The following IL17B variants were observed in gnomAD, a reference collection of about 807,000 sequenced individuals.
IL17B encodes the protein interleukin 17B, also known as interleukin-17B.
In IL17B, 14 loss-of-function variants were observed where a neutral mutation model predicts 14.7. That is an observed-to-expected ratio of 0.95 (90% CI 0.63 to 1.49). The LOEUF (loss-of-function observed/expected upper bound fraction) is 1.49, where lower values mean the gene tolerates loss of function less well. Among genes scored for constraint, IL17B ranks in the 40% most tolerant of loss-of-function variants. The probability of loss-of-function intolerance (pLI) is 0.00; values close to 1 mark genes in which losing one functional copy is unlikely to be tolerated. For missense variants in IL17B, 233 were observed against 252.8 expected (o/e 0.92, Z 0.53); for synonymous variants, 105 against 94.8 (o/e 1.11, Z -0.62).
intron 1 of IL17B, among the ~76,000 whole-genome samples, chr5:149,378,256 G>A (rs1758598624): frequency 6.6e-6 from 1 of 152,182 alleles, no homozygotes; most frequent in African/African-American, 2.4e-5. Flanking sequence ...GGCTAAGGAT[G>A]TCCTGTCCGC....
chr5:149,390,226 C>CCCCCG (rs149991010), intron 1 of IL17B, among the ~76,000 whole-genome samples: 1 of 148,596 alleles, frequency 6.7e-6, no homozygotes, highest in Non-Finnish European at 1.5e-5. Flanking sequence ...GACCCCCCCC[C>CCCCCG]TCCCTGTCCC....
chr5:149,397,449 G>A (rs1219210755), intron 1 of IL17B, among the ~76,000 whole-genome samples: 2 of 152,162 alleles, frequency 1.3e-5, no homozygotes, highest in Admixed American at 6.5e-5. Context: ...GATTATAGGC[G>A]TGAACCACCG....
chr5:149,399,081 T>C (rs1365488246), intron 1 of IL17B, among the ~76,000 whole-genome samples: 1 of 152,336 alleles, frequency 6.6e-6, no homozygotes, highest in African/African-American at 2.4e-5. Flanking sequence ...GAGAACAGCA[T>C]GGGAAAGACC....
intron 1 of IL17B, among the ~76,000 whole-genome samples, chr5:149,390,623 A>AC (rs1758925976): frequency 6.8e-6 from 1 of 147,576 alleles, no homozygotes; most frequent in African/African-American, 2.5e-5. Context: ...ACACACACAC[A>AC]CACACACAGA....
At chr5:149,382,129 C>A (rs1581388095), upstream of IL17B, among the ~76,000 whole-genome samples, 1 of 152,182 alleles carries the variant, frequency 6.6e-6, no homozygotes, top group South Asian at 2.1e-4. Flanking sequence ...CACTCTGCCA[C>A]CTCTTTCTCC....
chr5:149,381,983 G>T (rs1758709980), upstream of IL17B, among the ~76,000 whole-genome samples: 1 of 152,250 alleles, frequency 6.6e-6, no homozygotes, highest in East Asian at 1.9e-4. Flanking sequence ...ACAGGGGAAG[G>T]GGCAGTGGGT....
At chr5:149,376,073 T>A (rs1482505477) in intron 2 of IL17B, among the ~76,000 whole-genome samples, 1 of 152,154 alleles carries the variant, frequency 6.6e-6, no homozygotes, top group East Asian at 1.9e-4. Flanking sequence ...CCTGGGTTTG[T>A]GAGTGAGGAC....
chr5:149,400,722 G>A (rs999825718), intron 1 of IL17B, among the ~76,000 whole-genome samples: 1 of 152,216 alleles, frequency 6.6e-6, no homozygotes, highest in African/African-American at 2.4e-5. Flanking sequence ...CAAGTCCCAC[G>A]TTTTGCCACC....
At chr5:149,392,795 T>C (rs1416005391) in intron 1 of IL17B, among the ~76,000 whole-genome samples, 2 of 152,134 alleles carry the variant, frequency 1.3e-5, no homozygotes, top group African/African-American at 4.8e-5. Context: ...TCTCTCTCTT[T>C]CTCTCCCTCT....
chr5:149,402,694 A>C (rs1173256755), intron 1 of IL17B, among the ~76,000 whole-genome samples: 1 of 151,386 alleles, frequency 6.6e-6, no homozygotes, highest in Non-Finnish European at 1.5e-5. Flanking sequence ...GCTTTTAAAA[A>C]AAAAAAAAAA....
chr5:149,376,294 G>T (rs1376844085), intron 2 of IL17B, among the ~76,000 whole-genome samples: 1 of 152,186 alleles, frequency 6.6e-6, no homozygotes, highest in Non-Finnish European at 1.5e-5. Flanking sequence ...GGTTTGGATT[G>T]GGCATGGGAA....
intron 1 of IL17B, among the ~76,000 whole-genome samples, chr5:149,378,592 T>C (rs1322432521): frequency 2.0e-5 from 3 of 152,224 alleles, no homozygotes; most frequent in African/African-American, 7.2e-5. Flanking sequence ...GCCTGCTTTA[T>C]CCAGGCTACC....
chr5:149,395,534 A>G (rs1759075331), intron 1 of IL17B, among the ~76,000 whole-genome samples: 1 of 152,202 alleles, frequency 6.6e-6, no homozygotes, highest in African/African-American at 2.4e-5. Context: ...CTGTGCACAT[A>G]ATTACTTTTG....
At chr5:149,398,415 C>T (rs552727803) in intron 1 of IL17B, among the ~76,000 whole-genome samples, 81 of 152,308 alleles carry the variant, frequency 5.3e-4, no homozygotes, top group Non-Finnish European at 9.8e-4. Context: ...TCCTAGCCAC[C>T]ATGGTGCTGA....
chr5:149,376,758 T>C lies in IL17B; in HGVS notation c.289A>G (p.Ser97Gly). 1.2e-6 allele frequency: 2 copies of C among 1,611,368 alleles called. No homozygotes were observed. Among genetic ancestry groups the C allele is most frequent in the Non-Finnish European group, 1.7e-6 (2 of 1,178,556 alleles). The change falls in exon 2 of 3, where the codon AGC (serine) becomes GGC (glycine). Residue 97 changes from serine to glycine, a missense_variant. Ser to Gly is a moderately conservative substitution (Grantham distance 56). Coordinates refer to ENST00000261796, the MANE Select transcript of IL17B (RefSeq NM_014443.3). Reference protein sequence around the residue: ...NLQLWMSNKRSLSPWGYSINH... With the variant: ...NLQLWMSNKRGLSPWGYSINH... Reference sequence around the variant, plus strand: ...TACCTGTAGCCCCAGGGAGACAGGCTCCTCTTGTTGGACATCCACAGCTGC... The same window carrying C: ...TACCTGTAGCCCCAGGGAGACAGGCCCCTCTTGTTGGACATCCACAGCTGC...
chr5:149,402,689 T>A (rs10055197), intron 1 of IL17B, among the ~76,000 whole-genome samples: 44,884 of 139,092 alleles, frequency 0.32, 7,529 homozygotes, highest in Middle Eastern at 0.39. Flanking sequence ...ACCATGCTTT[T>A]AAAAAAAAAA....
chr5:149,392,977 C>CGTGTGTGTGTGCGTGTGT (rs1240876068), intron 1 of IL17B, among the ~76,000 whole-genome samples: 1 of 141,120 alleles, frequency 7.1e-6, no homozygotes, highest in Non-Finnish European at 1.6e-5. Context: ...TGCGCGCGTG[C>CGTGTGTGTGTGCGTGTGT]GTGTGTGTGT....
At chr5:149,404,068 A>G (rs538733173) in intron 1 of IL17B, 2 of 152,268 alleles carry the variant, frequency 1.3e-5, no homozygotes, top group Admixed American at 1.3e-4. Context: ...TCCTAACAGG[A>G]ACCTCCCTTC....
chr5:149,402,682 A>G (rs1759228970), intron 1 of IL17B, among the ~76,000 whole-genome samples: 2 of 142,034 alleles, frequency 1.4e-5, no homozygotes, highest in Admixed American at 6.9e-5. Context: ...CTTTAATACC[A>G]TGCTTTTAAA....
Sources: gnomAD v4.1 joint callset for allele counts (sites outside exome capture counted in the v4.1 genomes callset) on GRCh38, gnomAD v4.1.1 for gene constraint, MANE v1.5 for transcripts, NCBI Gene and HGNC (gene_info 2026-07-23, HGNC 2026-07-21) for gene names.